SLC35F1: variants seen among roughly 807,000 people sequenced by gnomAD.
SLC35F1 encodes the protein solute carrier family 35 member F1.
Under a neutral mutation model 48.7 loss-of-function variants are expected in SLC35F1, and 14 were observed. The observed-to-expected ratio is 0.29, with a 90% confidence interval of 0.19 to 0.45. The LOEUF (loss-of-function observed/expected upper bound fraction) is 0.45. Among genes scored for constraint, SLC35F1 ranks in the 20% least tolerant of loss-of-function variants. The pLI is 1.00. For missense variants in SLC35F1, 404 were observed against 500.0 expected (o/e 0.81, Z 1.83); for synonymous variants, 190 against 202.2 (o/e 0.94, Z 0.51).
At chr6:118,160,072 T>TA (rs1212807798) in intron 2 of SLC35F1, among the ~76,000 whole-genome samples, 1 of 152,220 alleles carries the variant, frequency 6.6e-6, no homozygotes, top group African/African-American at 2.4e-5. Flanking sequence ...AAAACACTTT[T>TA]AGCCTCTGTT....
At chr6:118,023,353 G>A (rs181672927) in intron 1 of SLC35F1, among the ~76,000 whole-genome samples, 17 of 152,308 alleles carry the variant, frequency 1.1e-4, no homozygotes, top group African/African-American at 3.6e-4. Context: ...AGACCCCTCT[G>A]AGAGTGTGGC....
Position 118,267,067 on chromosome 6 carries a change from G to C in SLC35F1, c.550G>C (p.Val184Leu). The change falls in exon 4 of 8, where the codon GTG (valine) becomes CTG (leucine). Residue 184 changes from valine (V) to leucine (L), a missense_variant. This residue lies in a region of SLC35F1 where 306 missense variants were observed against 419.1 expected (regional missense o/e 0.73). Transcript: ENST00000360388. ...CTTCCTGCTGATCCGGTACAAGGCTGTGCATTTCATCGGCATCGTTGTCTG... is the reference window on the plus strand; with the variant it reads ...CTTCCTGCTGATCCGGTACAAGGCTCTGCATTTCATCGGCATCGTTGTCTG... The part of the protein sequence containing the change: ...WFFLLIRYKA[V>L]HFIGIVVCIL... 1.2e-6 allele frequency: 2 copies of C among 1,614,020 alleles called. No individual in the cohort carries two copies. Among genetic ancestry groups the C allele is most frequent in the South Asian group, 2.2e-5 (2 of 91,070 alleles).
intron 1 of SLC35F1, among the ~76,000 whole-genome samples, chr6:117,965,374 A>G (rs1025322050): frequency 4.6e-5 from 7 of 152,220 alleles, no homozygotes; most frequent in African/African-American, 1.7e-4. Context: ...AGCTACTGGC[A>G]AGCCTTTTTT....
intron 1 of SLC35F1, among the ~76,000 whole-genome samples, chr6:118,099,321 G>C (rs747349094): frequency 4.6e-5 from 7 of 152,218 alleles, no homozygotes; most frequent in Non-Finnish European, 7.3e-5. Flanking sequence ...GATCCAGTAA[G>C]TCGATGCTGC....
intron 1 of SLC35F1, among the ~76,000 whole-genome samples, chr6:117,966,673 G>A (rs146857559): frequency 6.6e-6 from 1 of 152,324 alleles, no homozygotes; most frequent in East Asian, 1.9e-4. Context: ...TTCTTCTGAG[G>A]CCTCTCTCCT....
At chr6:118,049,588 T>C (rs1310421067) in intron 1 of SLC35F1, among the ~76,000 whole-genome samples, 2 of 151,290 alleles carry the variant, frequency 1.3e-5, no homozygotes, top group Non-Finnish European at 3.0e-5. Flanking sequence ...AGAAGACATT[T>C]ATGCAGCCAA....
intron 2 of SLC35F1, among the ~76,000 whole-genome samples, chr6:118,197,039 A>G (rs2114530431): frequency 6.6e-6 from 1 of 151,812 alleles, no homozygotes; most frequent in African/African-American, 2.4e-5. Context: ...AAAAAAAAGT[A>G]CTTCTGTGAG....
chr6:118,298,962 C>A (rs556197799), intron 7 of SLC35F1, among the ~76,000 whole-genome samples: 1 of 152,174 alleles, frequency 6.6e-6, no homozygotes, highest in South Asian at 2.1e-4. Context: ...ATTGCTTGAG[C>A]CTAGGAGTTT....
At chr6:118,275,705 C>G in intron 5 of SLC35F1, 90 bp downstream of exon 5, 1 of 1,303,722 alleles carries the variant, frequency 7.7e-7, no homozygotes, top group Non-Finnish European at 1.1e-6. Flanking sequence ...AAAATCAAGG[C>G]TGGAATCCAG....
intron 1 of SLC35F1, among the ~76,000 whole-genome samples, chr6:117,948,159 A>G (rs1270192797): frequency 6.6e-6 from 1 of 152,236 alleles, no homozygotes; most frequent in African/African-American, 2.4e-5. Flanking sequence ...TTCATAAATG[A>G]CAGGGCTTTA....
chr6:118,205,657 A>G (rs1017890833), intron 2 of SLC35F1, among the ~76,000 whole-genome samples: 3 of 152,228 alleles, frequency 2.0e-5, no homozygotes, highest in Non-Finnish European at 4.4e-5. Flanking sequence ...CATCCAAGAG[A>G]CTTGAAAGCA....
chr6:118,220,158 A>C (rs1775128407), intron 2 of SLC35F1, among the ~76,000 whole-genome samples: 1 of 152,168 alleles, frequency 6.6e-6, no homozygotes. Flanking sequence ...CTAGAACTTA[A>C]AGTATAATAA....
At chr6:118,215,450 T>C (rs942714325) in intron 2 of SLC35F1, among the ~76,000 whole-genome samples, 1 of 152,122 alleles carries the variant, frequency 6.6e-6, no homozygotes, top group Non-Finnish European at 1.5e-5. Flanking sequence ...GACGGTCTTG[T>C]TGCTAGGCAA....
intron 1 of SLC35F1, among the ~76,000 whole-genome samples, chr6:117,925,360 C>T (rs1187181813): frequency 1.3e-5 from 2 of 152,084 alleles, no homozygotes; most frequent in African/African-American, 2.4e-5. Context: ...CTACCAGCTG[C>T]TAACAGTAGC....
Position 117,921,481 on chromosome 6 carries a change from T to C in SLC35F1, c.173+13582T>C, listed in dbSNP as rs78622625. On this transcript the variant is annotated intron_variant, in intron 1 of 7. Transcript: ENST00000360388. Reference sequence around the variant, plus strand: ...GCTGTTCTAACAGTTTGTGTGATTTTAGTGCCTTTCAGGCAAAATTCTTCT... The same window carrying C: ...GCTGTTCTAACAGTTTGTGTGATTTCAGTGCCTTTCAGGCAAAATTCTTCT... Among the ~76,000 whole-genome samples the C allele has an allele frequency of 8.5e-5, 13 of 152,392 alleles. No individual in the cohort carries two copies. In the East Asian group the frequency reaches 2.1e-3, roughly 25 times the overall value.
intron 1 of SLC35F1, among the ~76,000 whole-genome samples, chr6:117,917,704 G>A (rs1262984027): frequency 1.3e-5 from 2 of 149,856 alleles, no homozygotes; most frequent in Non-Finnish European, 3.0e-5. Context: ...TTAGAGATGT[G>A]TAGTGAAACG....
chr6:118,260,582 C>A (rs771047702), intron 3 of SLC35F1, among the ~76,000 whole-genome samples: 111 of 151,774 alleles, frequency 7.3e-4, no homozygotes, highest in Non-Finnish European at 1.2e-3. Context: ...AGTCACACAA[C>A]AAAAAATTAT....
At chr6:118,143,443 TA>T (rs1476682642) in intron 1 of SLC35F1, among the ~76,000 whole-genome samples, 1 of 152,222 alleles carries the variant, frequency 6.6e-6, no homozygotes, top group Non-Finnish European at 1.5e-5. Flanking sequence ...AGTTCCTATT[TA>T]AAACTAAAAT....
intron 1 of SLC35F1, among the ~76,000 whole-genome samples, chr6:117,919,262 T>G (rs936267511): frequency 6.6e-6 from 1 of 152,182 alleles, no homozygotes; most frequent in Non-Finnish European, 1.5e-5. Flanking sequence ...GGTGTCCCCT[T>G]TAGCCTGTGT....
Sources: gnomAD v4.1 joint callset for allele counts (sites outside exome capture counted in the v4.1 genomes callset) on GRCh38, gnomAD v4.1.1 for gene constraint, gnomAD v4.1.1 regional missense constraint, MANE v1.5 for transcripts, NCBI Gene and HGNC (gene_info 2026-07-23, HGNC 2026-07-21) for gene names.